The following ZNF527 variants were observed in gnomAD, a reference collection of about 807,000 sequenced individuals.
ZNF527 encodes the protein zinc finger protein 527.
ZNF527 carries 5 observed loss-of-function variants against 13.5 expected under a neutral mutation model. The observed-to-expected ratio is 0.37, with a 90% CI of 0.19 to 0.78. ZNF527 has a LOEUF of 0.78. Ranked by LOEUF, ZNF527 falls within the 30% of genes least tolerant of loss-of-function variation. The probability of loss-of-function intolerance (pLI) is 0.48; values close to 1 mark genes in which losing one functional copy is unlikely to be tolerated. For missense variants in ZNF527, 628 were observed against 726.4 expected (o/e 0.86, Z 1.56); for synonymous variants, 209 against 243.1 (o/e 0.86, Z 1.30).
chr19:37,380,289 C>T lies in ZNF527; in HGVS notation c.173C>T (p.Ser58Phe). 6.2e-7 allele frequency: 1 copy of T among 1,614,074 alleles called. No homozygotes were observed. Among genetic ancestry groups the T allele is most frequent in the Non-Finnish European group, 8.5e-7 (1 of 1,179,946 alleles). Residue 58 changes from serine to phenylalanine, a missense_variant, in exon 4 of 5, where the codon TCT (serine) becomes TTT (phenylalanine). By Grantham distance (155) the Ser-to-Phe change is radical. This residue lies in a region of ZNF527 where 592 missense variants were observed against 678.0 expected (regional missense o/e 0.87). Coordinates refer to ENST00000436120, the MANE Select transcript of ZNF527 (RefSeq NM_032453.2). ...RNLVWLGLSI[S>F]KPNMISLLEQ... ...CCCCTGTGAACAGGACTCTCCATTT[C>T]TAAGCCCAACATGATCTCCTTACTG...
Position 37,392,078 on chromosome 19 carries a change from A to G in ZNF527, c.*2199A>G, listed in dbSNP as rs1385142556. On this transcript the variant is annotated 3_prime_UTR_variant, in exon 5 of 5. Coordinates refer to ENST00000436120, the MANE Select transcript of ZNF527 (RefSeq NM_032453.2). ...TATTCAAATTCCCTTTAAACAGCTT[A>G]AAATACAGATTTAGTGACTCAGTAC... 1 of 152,226 alleles carries G rather than the reference A, an allele frequency of 6.6e-6. No individual in the cohort carries two copies. Among genetic ancestry groups the G allele is most frequent in the African/African-American group, 2.4e-5 (1 of 41,466 alleles). The allele number at this position is 152,226 out of a possible 1,614,324, so 9.4% of individuals were successfully genotyped here. A position where few individuals can be genotyped will look rare whatever the true frequency, so the allele number is the denominator to read the frequency against.
At chr19:37,379,375 A>T (rs1162543803) in intron 3 of ZNF527, 129 bp downstream of exon 3, 1 of 875,648 alleles carries the variant, frequency 1.1e-6, no homozygotes, top group Non-Finnish European at 1.6e-6. Flanking sequence ...TCCTGTTCCC[A>T]GGAAATGATT....
chr19:37,385,040 G>T (rs1363124309), intron 4 of ZNF527: 1 of 675,976 alleles, frequency 1.5e-6, no homozygotes, highest in Non-Finnish European at 2.7e-6. Flanking sequence ...TGCCCAGGCT[G>T]GTCTAGCACT....
In ZNF527 at chr19:37,390,839, A is replaced by G. The variant is rs2040746565; in HGVS notation, c.*960A>G. 1 of 152,230 alleles carries G rather than the reference A, an allele frequency of 6.6e-6. No homozygotes were observed. Among genetic ancestry groups the G allele is most frequent in the Non-Finnish European group, 1.5e-5 (1 of 68,038 alleles). 9.4% of individuals were successfully genotyped at this position (152,230 alleles called of 1,614,324 possible). On this transcript the variant is annotated 3_prime_UTR_variant, in exon 5 of 5. Transcript: ENST00000436120. Reference sequence around the variant, plus strand: ...CACACATTCTATGTTTGCTATACATAAAAGAAAGCCTTAATTTTTTACGTG... The same window carrying G: ...CACACATTCTATGTTTGCTATACATGAAAGAAAGCCTTAATTTTTTACGTG...
At chr19:37,385,080 C>A in intron 4 of ZNF527, 1 of 525,486 alleles carries the variant, frequency 1.9e-6, no homozygotes. Flanking sequence ...CCCATCTTGG[C>A]ATCCCAAACT....
At chr19:37,384,628 T>A (rs573716055) in intron 4 of ZNF527, among the ~76,000 whole-genome samples, 1 of 152,266 alleles carries the variant, frequency 6.6e-6, no homozygotes, top group South Asian at 2.1e-4. Flanking sequence ...GTACTAACAA[T>A]GACAGTGTCT....
In ZNF527 at chr19:37,388,791, A is replaced by C. The variant is rs747088566; in HGVS notation, c.742A>C (p.Ser248Arg). Reference sequence around the variant, plus strand: ...TCCTCCTGGGGAGAAACCTTATGAAAGTCATGATTTTTCAAAGCTCTTAAG... The same window carrying C: ...TCCTCCTGGGGAGAAACCTTATGAACGTCATGATTTTTCAAAGCTCTTAAG... The part of the protein sequence containing the change: ...GIPPGEKPYE[S>R]HDFSKLLSFH... The change falls in exon 5 of 5, where the codon AGT becomes CGT. Residue 248 changes from serine to arginine, a missense_variant. Around this residue, in one of 3 missense-constraint regions of ZNF527, gnomAD observed 592 missense variants for 678.0 expected, o/e 0.87. Coordinates refer to ENST00000436120, the MANE Select transcript of ZNF527 (RefSeq NM_032453.2). 6.2e-7 allele frequency: 1 copy of C among 1,612,982 alleles called. No individual in the cohort carries two copies. Among genetic ancestry groups the C allele is most frequent in the Non-Finnish European group, 8.5e-7 (1 of 1,179,796 alleles).
chr19:37,382,071 A>AT (rs1202791747), intron 4 of ZNF527, among the ~76,000 whole-genome samples: 2 of 151,958 alleles, frequency 1.3e-5, no homozygotes, highest in Admixed American at 6.6e-5. Flanking sequence ...GCCCCCATGC[A>AT]TTTTTTGGGC....
intron 3 of ZNF527, chr19:37,379,950 T>C (rs1375535482): frequency 5.1e-6 from 1 of 197,422 alleles, no homozygotes; most frequent in Non-Finnish European, 1.0e-5. Flanking sequence ...ACTCTCCAAA[T>C]GATCCTGATG....
chr19:37,383,048 A>G (rs2040667750), intron 4 of ZNF527, among the ~76,000 whole-genome samples: 1 of 152,112 alleles, frequency 6.6e-6, no homozygotes, highest in African/African-American at 2.4e-5. Flanking sequence ...ATTCCCCTCC[A>G]GAAAAGTTGT....
chr19:37,389,915 C>T lies in ZNF527; in HGVS notation c.*36C>T. The T allele has an allele frequency of 1.3e-6, 2 of 1,523,040 alleles. No homozygotes were observed. The highest frequency in any genetic ancestry group is 1.7e-6 in the Non-Finnish European group (2 of 1,144,488). 94.3% of individuals were successfully genotyped at this position (1,523,040 alleles called of 1,614,324 possible). A position where few individuals can be genotyped will look rare whatever the true frequency, so the allele number is the denominator to read the frequency against. The stretch of plus-strand genomic sequence containing the variant: ...TATAGGAAAGAAAACATGTGGTTAC[C>T]ACTCAATCCTTATTAAATATTAGTG... On this transcript the variant is annotated 3_prime_UTR_variant, in exon 5 of 5. Coordinates refer to ENST00000436120, the MANE Select transcript of ZNF527 (RefSeq NM_032453.2).
chr19:37,391,196 C>T lies in ZNF527; in HGVS notation c.*1317C>T, dbSNP rs1346987067. 6.6e-6 allele frequency: 1 copy of T among 152,116 alleles called. No homozygotes were observed. The allele number at this position is 152,116 out of a possible 1,614,324, so 9.4% of individuals were successfully genotyped here. Reference sequence around the variant, plus strand: ...AAGGAATTACTTGATTTTCTTCTTTCAGTATGGGTCTAAACATATTCTGTG... The same window carrying T: ...AAGGAATTACTTGATTTTCTTCTTTTAGTATGGGTCTAAACATATTCTGTG... On this transcript the variant is annotated 3_prime_UTR_variant, in exon 5 of 5. Coordinates refer to ENST00000436120, the MANE Select transcript of ZNF527 (RefSeq NM_032453.2).
chr19:37,371,357 A>G (rs2040554671), intron 1 of ZNF527, 131 bp downstream of exon 1: 1 of 152,154 alleles, frequency 6.6e-6, no homozygotes, highest in African/African-American at 2.4e-5. Context: ...ATTACCAACT[A>G]TGTGACAGGC....
chr19:37,381,823 G>A (rs1259852112), intron 4 of ZNF527, among the ~76,000 whole-genome samples: 1 of 151,928 alleles, frequency 6.6e-6, no homozygotes, highest in Admixed American at 6.6e-5. Flanking sequence ...AGGAAGAGCT[G>A]CTCTTTCTCC....
At position 37,391,634 on chromosome 19, in the gene ZNF527, T is replaced by C. The variant is rs1169900394; in HGVS notation, c.*1755T>C. 2 of 151,846 alleles carry C rather than the reference T, an allele frequency of 1.3e-5. No homozygotes were observed. Among genetic ancestry groups the C allele is most frequent in the African/African-American group, 2.4e-5 (1 of 41,394 alleles). The allele number at this position is 151,846 out of a possible 1,614,324, so 9.4% of individuals were successfully genotyped here. ...AAATAAATTTGGTTTAAGAAGTGTA[T>C]GGATAACTTCTTTGCAGCTAGAGAT... is the stretch of plus-strand genomic sequence containing the variant. On this transcript the variant is annotated 3_prime_UTR_variant, in exon 5 of 5. Transcript: ENST00000436120.
At chr19:37,372,457 CTTTTCTTTTCTTTTTT>C (rs1318628734) in intron 1 of ZNF527, among the ~76,000 whole-genome samples, 232 of 112,218 alleles carry the variant, frequency 2.1e-3, no homozygotes, top group African/African-American at 9.0e-3. Flanking sequence ...CTTTTCTTTT[CTTTTCTTTTCTTTTTT>C]TTTTTTTTTT....
intron 2 of ZNF527, 85 bp from the exon 3 acceptor site, chr19:37,379,035 C>A: frequency 6.6e-7 from 1 of 1,526,302 alleles, no homozygotes; most frequent in Non-Finnish European, 9.0e-7. Flanking sequence ...TCACTTAGAG[C>A]TTTGAACTCT....
At position 37,391,189 on chromosome 19, in the gene ZNF527, C is replaced by CAAGGAA. The variant is rs2040749248; in HGVS notation, c.*1310_*1311insAAGGAA. On this transcript the variant is annotated 3_prime_UTR_variant, in exon 5 of 5. Coordinates refer to ENST00000436120, the MANE Select transcript of ZNF527 (RefSeq NM_032453.2). Reference sequence around the variant, plus strand: ...CATCTTCAAGGAATTACTTGATTTTCTTCTTTCAGTATGGGTCTAAACATA... The same window carrying CAAGGAA: ...CATCTTCAAGGAATTACTTGATTTTCAAGGAATTCTTTCAGTATGGGTCTAAACATA... 1 of 152,148 alleles carries CAAGGAA rather than the reference C, an allele frequency of 6.6e-6. No individual in the cohort carries two copies. The highest frequency in any genetic ancestry group is 6.5e-5 in the Admixed American group (1 of 15,272). 9.4% of individuals were successfully genotyped at this position (152,148 alleles called of 1,614,324 possible). A position where few individuals can be genotyped will look rare whatever the true frequency, so the allele number is the denominator to read the frequency against.
intron 2 of ZNF527, among the ~76,000 whole-genome samples, chr19:37,374,948 G>C (rs926976850): frequency 1.3e-5 from 2 of 152,194 alleles, no homozygotes; most frequent in Non-Finnish European, 2.9e-5. Flanking sequence ...TCATGGTGGT[G>C]GCATTGGAGC....
Sources: gnomAD v4.1 joint callset for allele counts (sites outside exome capture counted in the v4.1 genomes callset) on GRCh38, gnomAD v4.1.1 for gene constraint, gnomAD v4.1.1 regional missense constraint, MANE v1.5 for transcripts, NCBI Gene and HGNC (gene_info 2026-07-23, HGNC 2026-07-21) for gene names.